AGAP1: variants seen among roughly 807,000 people sequenced by gnomAD.
AGAP1 encodes the protein ArfGAP with GTPase domain, ankyrin repeat and PH domain 1.
AGAP1 carries 29 observed loss-of-function variants against 105.3 expected under a neutral mutation model. The ratio of observed to expected loss-of-function variants is 0.28; its 90% CI spans 0.21 to 0.38. The LOEUF (loss-of-function observed/expected upper bound fraction) is 0.38, where lower values mean the gene tolerates loss of function less well. Ranked by LOEUF, AGAP1 falls within the 10% of genes least tolerant of loss-of-function variation. AGAP1 has a pLI of 1.00. For missense variants in AGAP1, 998 were observed against 1,165.1 expected (o/e 0.86, Z 2.09); for synonymous variants, 509 against 485.9 (o/e 1.05, Z -0.63).
rs1443019456 is a variant in AGAP1 at position 235,754,294 on chromosome 2, T to C, written c.673+3806T>C. ...TGCTCGCCGACTCAGTTTATTCACA[T>C]TTCTTGATAACTCTCTGGCTTCTTT... On this transcript the variant is annotated intron_variant, in intron 6 of 17. Coordinates refer to ENST00000304032, the MANE Select transcript of AGAP1 (RefSeq NM_001037131.3). This position sits in a 1 kb window ranked among gnomAD's most constrained non-coding sequence, Gnocchi z 4.6. Among the ~76,000 whole-genome samples, 1 of 152,230 alleles carries C rather than the reference T, an allele frequency of 6.6e-6. No homozygotes were observed. Among genetic ancestry groups the C allele is most frequent in the South Asian group, 2.1e-4 (1 of 4,828 alleles).
At chr2:235,542,926 G>T (rs1270081177) in intron 1 of AGAP1, among the ~76,000 whole-genome samples, 3 of 152,170 alleles carry the variant, frequency 2.0e-5, no homozygotes, top group Admixed American at 2.0e-4. Context: ...GGGTCCAGTT[G>T]CATTGGGCTT....
At chr2:235,675,122 G>A (rs1948656755) in intron 1 of AGAP1, among the ~76,000 whole-genome samples, 1 of 151,398 alleles carries the variant, frequency 6.6e-6, no homozygotes, top group African/African-American at 2.4e-5. Context: ...ATTTGATAAA[G>A]TTTGATTTTT....
At chr2:235,533,897 C>T (rs911993882) in intron 1 of AGAP1, among the ~76,000 whole-genome samples, 5 of 152,212 alleles carry the variant, frequency 3.3e-5, no homozygotes, top group African/African-American at 1.2e-4. Context: ...GCTGGACAAG[C>T]GCTTGCTGCT....
In AGAP1 at chr2:236,104,886, C is replaced by T. The variant is rs146263165; in HGVS notation, c.2115-15306C>T. 7.4e-3 allele frequency among the ~76,000 whole-genome samples: 1,125 copies of T among 151,800 alleles called. 13 individuals carry two copies. The highest frequency in any genetic ancestry group is 0.025 in the African/African-American group (1,049 of 41,356). On this transcript the variant is annotated intron_variant, in intron 16 of 17. Transcript: ENST00000304032. This position sits in a 1 kb window ranked among gnomAD's most constrained non-coding sequence, Gnocchi z 4.7. ...CTGCACTGCAGCCTGGGCTACAGAGCGAGACTCTGTCTCAAGGAAAAAAAA... is the reference window on the plus strand; with the variant it reads ...CTGCACTGCAGCCTGGGCTACAGAGTGAGACTCTGTCTCAAGGAAAAAAAA...
At chr2:235,584,820 G>A (rs2149197341) in intron 1 of AGAP1, among the ~76,000 whole-genome samples, 1 of 151,080 alleles carries the variant, frequency 6.6e-6, no homozygotes, top group Admixed American at 6.6e-5. Context: ...TTGCCACGTG[G>A]TCTCTGCTTT....
At chr2:235,759,329 C>T (rs567813911) in intron 6 of AGAP1, among the ~76,000 whole-genome samples, 31 of 152,040 alleles carry the variant, frequency 2.0e-4, no homozygotes, top group Admixed American at 1.4e-3. Flanking sequence ...CCACCACGCC[C>T]GGCTAATTTT....
In AGAP1 at chr2:235,655,197, T is replaced by C. The variant is rs1490142332; in HGVS notation, c.164-53982T>C. 6.6e-6 allele frequency among the ~76,000 whole-genome samples: 1 copy of C among 152,164 alleles called. No individual in the cohort carries two copies. ...ATGCTGGAATTGAACATGGAATTAA[T>C]TAAATGTACAGAAGCTGGAAGGTAG... On this transcript the variant is annotated intron_variant, in intron 1 of 17. Transcript: ENST00000304032. The surrounding 1 kb of genome is among the most constrained non-coding windows in gnomAD (Gnocchi z 4.3).
rs1450434310 is a variant in AGAP1, at chr2:236,003,447, C to G, written c.1646-33114C>G. Among the ~76,000 whole-genome samples, 2 of 152,202 alleles carry G rather than the reference C, an allele frequency of 1.3e-5. No individual in the cohort carries two copies. Among genetic ancestry groups the G allele is most frequent in the Non-Finnish European group, 2.9e-5 (2 of 68,038 alleles). ...ACCAAGGCACCAAGATTTTACCCAC[C>G]TCTGTGTGTGGTCGCACGTCCTCCT... On this transcript the variant is annotated intron_variant, in intron 13 of 17. Transcript: ENST00000304032. The surrounding 1 kb of genome is among the most constrained non-coding windows in gnomAD (Gnocchi z 4.2).
In AGAP1 at chr2:236,102,585, T is replaced by TAAA. The variant is rs372649210; in HGVS notation, c.2115-17593_2115-17591dup. On this transcript the variant is annotated intron_variant, in intron 16 of 17. Coordinates refer to ENST00000304032, the MANE Select transcript of AGAP1 (RefSeq NM_001037131.3). ...CCTGGGCGACAGAGTGAGAGACTGT[T>TAAA]AAAAAAAAAAAAAAAAGAAAGAAAG... 6.3e-4 allele frequency among the ~76,000 whole-genome samples: 85 copies of TAAA among 134,586 alleles called. No homozygotes were observed. The Middle Eastern group carries it at 0.015, about 24-fold the overall frequency. The allele number at this position is 134,586 out of a possible 152,430, so 88.3% of individuals were successfully genotyped here.
intron 9 of AGAP1, among the ~76,000 whole-genome samples, chr2:235,827,760 G>A (rs548336242): frequency 1.1e-3 from 166 of 152,308 alleles, no homozygotes; most frequent in African/African-American, 3.8e-3. Flanking sequence ...TAGCTTGCCC[G>A]TACTAAAAGC....
At chr2:235,598,331 A>C (rs1239610815) in intron 1 of AGAP1, among the ~76,000 whole-genome samples, 5 of 152,122 alleles carry the variant, frequency 3.3e-5, no homozygotes, top group Non-Finnish European at 7.3e-5. Flanking sequence ...TAATTATCTT[A>C]CTTATTTTTA....
rs142970595 is a variant in AGAP1, at chr2:236,056,792, A to G, written c.2114+7511A>G. On this transcript the variant is annotated intron_variant, in intron 16 of 17. Transcript: ENST00000304032. The surrounding 1 kb of genome is among the most constrained non-coding windows in gnomAD (Gnocchi z 4.6). ...TTATCCCCATTCCCAGACGTGTGCC[A>G]GGGTCACATGGGAGCGCAGGTCAGA... Among the ~76,000 whole-genome samples, 410 of 152,256 alleles carry G rather than the reference A, an allele frequency of 2.7e-3. No individual in the cohort carries two copies. Among genetic ancestry groups the G allele is most frequent in the Non-Finnish European group, 3.9e-3 (263 of 68,016 alleles).
intron 11 of AGAP1, among the ~76,000 whole-genome samples, chr2:235,917,639 G>C (rs997766351): frequency 6.6e-6 from 1 of 152,086 alleles, no homozygotes; most frequent in Non-Finnish European, 1.5e-5. Flanking sequence ...GCTTCACGTG[G>C]TCCTGTTCGG....
At chr2:235,924,085 G>A (rs1001168361) in intron 11 of AGAP1, among the ~76,000 whole-genome samples, 3 of 151,938 alleles carry the variant, frequency 2.0e-5, no homozygotes, top group Non-Finnish European at 2.9e-5. Context: ...TGCCCCCCTC[G>A]CTGGGAGTAG....
At chr2:235,880,694 C>G (rs1011563274) in intron 9 of AGAP1, among the ~76,000 whole-genome samples, 35 of 151,278 alleles carry the variant, frequency 2.3e-4, no homozygotes, top group African/African-American at 8.3e-4. Context: ...GAGCTGAGAT[C>G]GCGCCACTGC....
At chr2:235,583,873 T>TA (rs538942191) in intron 1 of AGAP1, among the ~76,000 whole-genome samples, 53,630 of 133,116 alleles carry the variant, frequency 0.4, 10,418 homozygotes, top group Middle Eastern at 0.56. Context: ...GATCATGTCT[T>TA]AAAAAAAAAA....
chr2:236,051,961 G>A lies in AGAP1; in HGVS notation c.2114+2680G>A, dbSNP rs1367417724. Among the ~76,000 whole-genome samples the A allele has an allele frequency of 2.0e-5, 3 of 152,052 alleles. No homozygotes were observed. The highest frequency in any genetic ancestry group is 4.8e-5 in the African/African-American group (2 of 41,396). Reference sequence around the variant, plus strand: ...AATAGAAAATGGAAAAGTGAAAGTCGGGGCTGGAATCTCCGCAAGCCGGTC... The same window carrying A: ...AATAGAAAATGGAAAAGTGAAAGTCAGGGCTGGAATCTCCGCAAGCCGGTC... On this transcript the variant is annotated intron_variant, in intron 16 of 17. Transcript: ENST00000304032. The surrounding 1 kb of genome is among the most constrained non-coding windows in gnomAD (Gnocchi z 5.9).
At chr2:236,091,827 A>G (rs764813115) in intron 16 of AGAP1, among the ~76,000 whole-genome samples, 3 of 152,236 alleles carry the variant, frequency 2.0e-5, no homozygotes, top group Non-Finnish European at 4.4e-5. Context: ...GAATGTTCTT[A>G]GTGGCGTTGT....
chr2:235,915,329 A>G (rs1023113613), intron 11 of AGAP1, among the ~76,000 whole-genome samples: 3 of 152,184 alleles, frequency 2.0e-5, no homozygotes, highest in Admixed American at 6.5e-5. Context: ...CTATCAACAG[A>G]AGGATTTAAT....
Sources: gnomAD v4.1 joint callset for allele counts (sites outside exome capture counted in the v4.1 genomes callset) on GRCh38, gnomAD v4.1.1 for gene constraint, Gnocchi (gnomAD v3.1) non-coding constraint, MANE v1.5 for transcripts, NCBI Gene and HGNC (gene_info 2026-07-23, HGNC 2026-07-21) for gene names.